The following NECAB2 variants were observed in gnomAD, a reference collection of about 807,000 sequenced individuals.
NECAB2 encodes N-terminal EF-hand calcium-binding protein 2.
NECAB2 carries 68 observed loss-of-function variants against 51.9 expected under a neutral mutation model. The ratio of observed to expected loss-of-function variants is 1.31; its 90% CI spans 1.08 to 1.60. The LOEUF (loss-of-function observed/expected upper bound fraction) is 1.60, where lower values mean the gene tolerates loss of function less well. NECAB2 is among the 40% of genes most tolerant of loss of function. The pLI is 0.00. For synonymous variants in NECAB2, 329 were observed against 203.5 expected (o/e 1.62, Z -5.25); for missense variants, 854 against 490.3 (o/e 1.74, Z -7.00).
chr16:83,980,938 G>T (rs1321271843), intron 4 of NECAB2, 74 bp downstream of exon 4: 7 of 1,608,786 alleles, frequency 4.4e-6, no homozygotes, highest in Non-Finnish European at 6.0e-6. Context: ...CTGAGGCAGG[G>T]GAGGCTGGAG....
Position 84,002,402 on chromosome 16 carries a change from A to T in NECAB2, c.*56A>T. 6.4e-7 allele frequency: 1 copy of T among 1,555,690 alleles called. No individual in the cohort carries two copies. The highest frequency in any genetic ancestry group is 8.7e-7 in the Non-Finnish European group (1 of 1,148,998). On this transcript the variant is annotated 3_prime_UTR_variant, in exon 13 of 13. Transcript: ENST00000305202. Reference sequence around the variant, plus strand: ...CCAGCCCCTTCTTCTTGTGAAGGAAATCCCGTTTTTTTCTAGACAGACACT... The same window carrying T: ...CCAGCCCCTTCTTCTTGTGAAGGAATTCCCGTTTTTTTCTAGACAGACACT...
chr16:83,984,146 C>A (rs979453734), intron 5 of NECAB2, among the ~76,000 whole-genome samples: 4 of 151,882 alleles, frequency 2.6e-5, no homozygotes, highest in Non-Finnish European at 5.9e-5. Context: ...CAGGCGCCCG[C>A]TACTACGCCT....
chr16:83,986,579 C>G (rs2084559233), intron 5 of NECAB2, among the ~76,000 whole-genome samples: 1 of 152,112 alleles, frequency 6.6e-6, no homozygotes, highest in Non-Finnish European at 1.5e-5. Flanking sequence ...GTGGCACAGT[C>G]ATTACTCATT....
chr16:83,985,808 C>T (rs1567670547), intron 5 of NECAB2, among the ~76,000 whole-genome samples: 1 of 151,824 alleles, frequency 6.6e-6, no homozygotes, highest in Non-Finnish European at 1.5e-5. Context: ...TTTTAATGTA[C>T]TGAGATTTTT....
At chr16:83,984,935 A>G (rs1393781889) in intron 5 of NECAB2, among the ~76,000 whole-genome samples, 3 of 152,194 alleles carry the variant, frequency 2.0e-5, no homozygotes, top group Middle Eastern at 3.4e-3. Context: ...TCCCTCTTAT[A>G]ACTTTAGGTT....
intron 5 of NECAB2, among the ~76,000 whole-genome samples, chr16:83,982,740 T>C (rs189853760): frequency 7.9e-4 from 121 of 152,318 alleles, no homozygotes; most frequent in African/African-American, 2.7e-3. Context: ...GTTTTAGAGA[T>C]CTTGCTCTTG....
chr16:83,980,988 G>C (rs373979334), intron 4 of NECAB2, 42 bp from the exon 5 acceptor site: 20 of 1,607,736 alleles, frequency 1.2e-5, no homozygotes, highest in Admixed American at 5.0e-5. Context: ...GAGTGGGAGG[G>C]GCAGGACCTG....
chr16:83,999,468 G>T (rs778767687), intron 10 of NECAB2, among the ~76,000 whole-genome samples: 1 of 152,156 alleles, frequency 6.6e-6, no homozygotes, highest in Admixed American at 6.5e-5. Context: ...AGAGCCAGGT[G>T]AGATTCTACT....
intron 2 of NECAB2, among the ~76,000 whole-genome samples, chr16:83,975,388 G>T (rs1246447676): frequency 6.6e-6 from 1 of 152,028 alleles, no homozygotes; most frequent in Non-Finnish European, 1.5e-5. Context: ...TGCAGATGTG[G>T]AGGCCGATAG....
intron 6 of NECAB2, among the ~76,000 whole-genome samples, chr16:83,992,837 G>A (rs2151096546): frequency 6.6e-6 from 1 of 152,310 alleles, no homozygotes; most frequent in South Asian, 2.1e-4. Context: ...CCCAGAATTA[G>A]CAGCCATCGC....
At position 83,978,425 on chromosome 16, in the gene NECAB2, T is replaced by C. The variant is rs28592804; in HGVS notation, c.227-19T>C. The C allele has an allele frequency of 0.017, 28,050 of 1,607,800 alleles. 316 individuals are homozygous for C. Among genetic ancestry groups the C allele is most frequent in the African/African-American group, 0.035 (2,622 of 74,790 alleles). On this transcript the variant is annotated intron_variant, in intron 2 of 12. Coordinates refer to ENST00000305202, the MANE Select transcript of NECAB2 (RefSeq NM_019065.3). ...ATCTCTGCAGACACCAGCTCCTTTCTCTGCTTCCTTCCTTGCAGATGATGG... is the reference window on the plus strand; with the variant it reads ...ATCTCTGCAGACACCAGCTCCTTTCCCTGCTTCCTTCCTTGCAGATGATGG...
intron 5 of NECAB2, among the ~76,000 whole-genome samples, chr16:83,989,596 C>G (rs1000036962): frequency 2.6e-5 from 4 of 152,130 alleles, no homozygotes; most frequent in Non-Finnish European, 5.9e-5. Flanking sequence ...GCCAGGAGAG[C>G]AGGGCAGGGT....
Position 84,002,359 on chromosome 16 carries a change from G to C in NECAB2, c.*13G>C, listed in dbSNP as rs779126872. 1 of 1,613,652 alleles carries C rather than the reference G, an allele frequency of 6.2e-7. No individual in the cohort carries two copies. Among genetic ancestry groups the C allele is most frequent in the South Asian group, 1.1e-5 (1 of 91,070 alleles). ...GGGACGGGACTGACAGCCTCCCAGAGGCCCGTGGAGGAGCCCACCAGCCCC... is the reference window on the plus strand; with the variant it reads ...GGGACGGGACTGACAGCCTCCCAGACGCCCGTGGAGGAGCCCACCAGCCCC... On this transcript the variant is annotated 3_prime_UTR_variant, in exon 13 of 13. Coordinates refer to ENST00000305202, the MANE Select transcript of NECAB2 (RefSeq NM_019065.3).
chr16:83,997,273 A>C lies in NECAB2; in HGVS notation c.849+4A>C, dbSNP rs1275236685. 6.2e-7 allele frequency: 1 copy of C among 1,614,062 alleles called. No homozygotes were observed. On this transcript the variant is annotated splice_donor_region_variant and intron_variant, in intron 9 of 12. Transcript: ENST00000305202. Reference sequence around the variant, plus strand: ...AGATGAAGATGGCACCAACATGGTGAGGCCCCTTCCCACCTCTCTTCTGGG... The same window carrying C: ...AGATGAAGATGGCACCAACATGGTGCGGCCCCTTCCCACCTCTCTTCTGGG...
chr16:83,987,639 T>G (rs8051189), intron 5 of NECAB2, among the ~76,000 whole-genome samples: 44,692 of 152,094 alleles, frequency 0.29, 13,312 homozygotes, highest in African/African-American at 0.77. Flanking sequence ...TACTAAAACT[T>G]TTCAAAAGCA....
At chr16:83,992,737 C>G (rs986554055) in intron 6 of NECAB2, among the ~76,000 whole-genome samples, 1 of 152,174 alleles carries the variant, frequency 6.6e-6, no homozygotes, top group African/African-American at 2.4e-5. Context: ...AATACACATT[C>G]CTGGGCTCCT....
upstream of NECAB2, among the ~76,000 whole-genome samples, chr16:83,966,893 T>C (rs897726174): frequency 6.6e-6 from 1 of 152,212 alleles, no homozygotes; most frequent in African/African-American, 2.4e-5. Context: ...TTTCTTTTTT[T>C]TGAGACAGAG....
At chr16:83,992,963 A>G (rs1489479153) in intron 6 of NECAB2, among the ~76,000 whole-genome samples, 6 of 152,194 alleles carry the variant, frequency 3.9e-5, no homozygotes, top group African/African-American at 1.4e-4. Context: ...TTTTCAGGGC[A>G]GACTTCCCAC....
At position 83,981,145 on chromosome 16, in the gene NECAB2, G is replaced by A; in HGVS notation, c.459+18G>A. On this transcript the variant is annotated intron_variant, in intron 5 of 12. Transcript: ENST00000305202. ...CCAAGAAGGTCAGTGGGTGTAGGTGGCCCCCGGGGTCCAGGGCTCCAGTGC... is the reference window on the plus strand; with the variant it reads ...CCAAGAAGGTCAGTGGGTGTAGGTGACCCCCGGGGTCCAGGGCTCCAGTGC... The A allele has an allele frequency of 1.3e-6, 2 of 1,593,526 alleles. No individual in the cohort carries two copies. The highest frequency in any genetic ancestry group is 2.2e-5 in the East Asian group (1 of 44,740).
Sources: allele counts gnomAD v4.1 joint callset (sites outside exome capture counted in the v4.1 genomes callset), GRCh38; gene constraint gnomAD v4.1.1; transcripts MANE v1.5; gene names NCBI Gene and HGNC (gene_info 2026-07-23, HGNC 2026-07-21).